The following PRIM2 variants were observed in gnomAD, a reference collection of about 807,000 sequenced individuals.
PRIM2 encodes the protein DNA primase large subunit.
Under a neutral mutation model 67.3 loss-of-function variants are expected in PRIM2, and 39 were observed. The observed-to-expected ratio is 0.58, with a 90% confidence interval of 0.45 to 0.76. The LOEUF is 0.76. Among genes scored for constraint, PRIM2 ranks in the 30% least tolerant of loss-of-function variants. PRIM2 has a pLI of 0.00. For synonymous variants in PRIM2, 143 were observed against 198.7 expected (o/e 0.72, Z 2.36); for missense variants, 398 against 598.7 (o/e 0.66, Z 3.50).
At chr6:57,442,132 A>G (rs1313120868) in intron 7 of PRIM2, among the ~76,000 whole-genome samples, 1 of 152,092 alleles carries the variant, frequency 6.6e-6, no homozygotes, top group Non-Finnish European at 1.5e-5. Flanking sequence ...ATTTCATATT[A>G]TTTCTATAAT....
At chr6:57,393,673 C>A (rs1347291927) in intron 7 of PRIM2, among the ~76,000 whole-genome samples, 1 of 152,044 alleles carries the variant, frequency 6.6e-6, no homozygotes, top group Admixed American at 6.6e-5. Flanking sequence ...TAAGTAGGTC[C>A]CAGCTATTTA....
At chr6:57,279,324 A>G in the PRIM2 span, among the ~76,000 whole-genome samples, 1 of 152,154 alleles carries the variant, frequency 6.6e-6, no homozygotes, top group African/African-American at 2.4e-5. Flanking sequence ...CTGAGAGGAA[A>G]AGGAAATTTC....
At chr6:57,388,097 C>A (rs1378626136) in intron 7 of PRIM2, among the ~76,000 whole-genome samples, 1 of 152,072 alleles carries the variant, frequency 6.6e-6, no homozygotes, top group Non-Finnish European at 1.5e-5. Flanking sequence ...CCATGTGAGG[C>A]TGCAATGGCT....
At chr6:57,423,918 T>G (rs1771540590) in intron 7 of PRIM2, among the ~76,000 whole-genome samples, 1 of 152,166 alleles carries the variant, frequency 6.6e-6, no homozygotes, top group Non-Finnish European at 1.5e-5. Flanking sequence ...TGAAGCTCCT[T>G]CTTGTGTGCC....
At chr6:57,583,122 A>T (rs1382519358) in intron 10 of PRIM2, among the ~76,000 whole-genome samples, 1 of 149,594 alleles carries the variant, frequency 6.7e-6, no homozygotes, top group Non-Finnish European at 1.5e-5. Flanking sequence ...TGAACTCATC[A>T]TTTTTTATGG....
chr6:57,335,654 G>C (rs1487813705), intron 5 of PRIM2, among the ~76,000 whole-genome samples: 1 of 152,160 alleles, frequency 6.6e-6, no homozygotes, highest in Non-Finnish European at 1.5e-5. Flanking sequence ...TGAGGGTCCT[G>C]TCTGTTAGAA....
intron 7 of PRIM2, among the ~76,000 whole-genome samples, chr6:57,389,375 A>G (rs1222202748): frequency 6.6e-6 from 1 of 152,130 alleles, no homozygotes; most frequent in Non-Finnish European, 1.5e-5. Flanking sequence ...TGAGCCTCCT[A>G]AAGTTCTGGA....
chr6:57,398,975 T>G (rs538762859), intron 7 of PRIM2, among the ~76,000 whole-genome samples: 1 of 152,020 alleles, frequency 6.6e-6, no homozygotes, highest in Non-Finnish European at 1.5e-5. Context: ...GCAACCCCTG[T>G]TTTTTTCTGA....
intron 7 of PRIM2, among the ~76,000 whole-genome samples, chr6:57,495,727 C>T (rs1554346325): frequency 3.3e-5 from 5 of 152,124 alleles, no homozygotes; most frequent in Admixed American, 1.3e-4. Context: ...ACTCCACTCC[C>T]CATAACCTTG....
At chr6:57,529,566 G>A (rs1217073940) in intron 8 of PRIM2, among the ~76,000 whole-genome samples, 3 of 152,220 alleles carry the variant, frequency 2.0e-5, no homozygotes, top group Non-Finnish European at 2.9e-5. Flanking sequence ...TGCAATTAAT[G>A]GAATGCATAG....
At chr6:57,436,468 T>G (rs1772017068) in intron 7 of PRIM2, among the ~76,000 whole-genome samples, 1 of 152,228 alleles carries the variant, frequency 6.6e-6, no homozygotes, top group African/African-American at 2.4e-5. Context: ...TCAACTATTT[T>G]AGTCACAAAC....
At chr6:57,322,394 G>A (rs543235002) in intron 3 of PRIM2, among the ~76,000 whole-genome samples, 118 of 152,252 alleles carry the variant, frequency 7.8e-4, no homozygotes, top group African/African-American at 1.9e-3. Context: ...ATCTCATCTT[G>A]AATTGTAGTT....
chr6:57,459,454 G>T (rs1772923685), intron 7 of PRIM2, among the ~76,000 whole-genome samples: 1 of 152,182 alleles, frequency 6.6e-6, no homozygotes, highest in African/African-American at 2.4e-5. Context: ...TTCTTGAAGA[G>T]AATCTAAGAT....
chr6:57,350,679 C>T (rs1490796853), intron 5 of PRIM2, among the ~76,000 whole-genome samples: 1 of 152,106 alleles, frequency 6.6e-6, no homozygotes, highest in Non-Finnish European at 1.5e-5. Flanking sequence ...TTTCCAGCAA[C>T]AGCAGCCTTA....
At chr6:57,506,802 C>A (rs1191447434) in intron 7 of PRIM2, among the ~76,000 whole-genome samples, 2 of 152,014 alleles carry the variant, frequency 1.3e-5, no homozygotes, top group African/African-American at 4.8e-5. Context: ...AGTATTGGCT[C>A]TGACTTCTTA....
intron 12 of PRIM2, among the ~76,000 whole-genome samples, chr6:57,627,491 C>T (rs1463959059): frequency 1.3e-4 from 19 of 151,006 alleles, no homozygotes; most frequent in Non-Finnish European, 2.5e-4. Context: ...CGGGTTCAAG[C>T]GATTCTCCTG....
the PRIM2 span, among the ~76,000 whole-genome samples, chr6:57,282,232 T>A: frequency 2.0e-5 from 3 of 152,220 alleles, no homozygotes; most frequent in Non-Finnish European, 4.4e-5. Flanking sequence ...GAGAATATCT[T>A]CTCCCTTCTT....
At chr6:57,368,064 A>T (rs1425570324) in intron 5 of PRIM2, among the ~76,000 whole-genome samples, 1 of 152,210 alleles carries the variant, frequency 6.6e-6, no homozygotes, top group Non-Finnish European at 1.5e-5. Flanking sequence ...ACCAATATAG[A>T]ACCTATATTT....
At chr6:57,489,558 C>CAAAAAAAA (rs1773838957) in intron 7 of PRIM2, among the ~76,000 whole-genome samples, 1 of 143,180 alleles carries the variant, frequency 7.0e-6, no homozygotes, top group African/African-American at 2.5e-5. Context: ...CCCCCGTCTC[C>CAAAAAAAA]AGAAAAAAGA....
Sources: allele counts gnomAD v4.1 joint callset (sites outside exome capture counted in the v4.1 genomes callset), GRCh38; gene constraint gnomAD v4.1.1; transcripts MANE v1.5; gene names NCBI Gene and HGNC (gene_info 2026-07-23, HGNC 2026-07-21).